TASP1: variants seen among roughly 807,000 people sequenced by gnomAD.
TASP1 encodes taspase 1.
In TASP1, 16 loss-of-function variants were observed where a neutral mutation model predicts 56.6. That is an observed-to-expected ratio of 0.28 (90% CI 0.19 to 0.43). TASP1 has a LOEUF of 0.43. TASP1 is among the 20% of genes least tolerant of loss of function. The probability of loss-of-function intolerance (pLI) is 1.00; values close to 1 mark genes in which losing one functional copy is unlikely to be tolerated. For synonymous variants in TASP1, 179 were observed against 184.2 expected (o/e 0.97, Z 0.23); for missense variants, 393 against 511.6 (o/e 0.77, Z 2.24).
the TASP1 span, among the ~76,000 whole-genome samples, chr20:13,322,641 G>A: frequency 6.6e-6 from 1 of 152,188 alleles, no homozygotes; most frequent in Admixed American, 6.5e-5. Flanking sequence ...GACCCAGGGA[G>A]GGACCCAGTG....
chr20:13,466,234 T>A (rs1311065658), intron 11 of TASP1, among the ~76,000 whole-genome samples: 2 of 152,154 alleles, frequency 1.3e-5, no homozygotes, highest in Non-Finnish European at 2.9e-5. Flanking sequence ...CTGCACTGAA[T>A]ATTCTTCAGG....
chr20:13,190,478 G>A, the TASP1 span, among the ~76,000 whole-genome samples: 12 of 152,100 alleles, frequency 7.9e-5, no homozygotes, highest in Non-Finnish European at 1.3e-4. Context: ...ACAAACATTA[G>A]GGAAGGGACA....
chr20:13,207,732 T>G, the TASP1 span, among the ~76,000 whole-genome samples: 5 of 152,204 alleles, frequency 3.3e-5, no homozygotes, highest in Non-Finnish European at 5.9e-5. Context: ...AAGAATCTGT[T>G]TTACTCAGTC....
the TASP1 span, among the ~76,000 whole-genome samples, chr20:13,297,691 A>T: frequency 6.6e-6 from 1 of 152,228 alleles, no homozygotes; most frequent in Admixed American, 6.5e-5. Flanking sequence ...CCATGGGAGA[A>T]TGCAGGATCA....
intron 9 of TASP1, among the ~76,000 whole-genome samples, chr20:13,532,248 A>G (rs1041399851): frequency 8.5e-5 from 13 of 152,224 alleles, no homozygotes; most frequent in African/African-American, 3.1e-4. Flanking sequence ...ACATATCTAC[A>G]GCAGGGTAAT....
At chr20:13,355,979 C>T in the TASP1 span, among the ~76,000 whole-genome samples, 1 of 152,140 alleles carries the variant, frequency 6.6e-6, no homozygotes, top group African/African-American at 2.4e-5. Context: ...GTAACTCAAC[C>T]ACTGTTGCTT....
chr20:13,346,323 A>T, the TASP1 span, among the ~76,000 whole-genome samples: 21 of 152,346 alleles, frequency 1.4e-4, no homozygotes, highest in Non-Finnish European at 2.8e-4. Flanking sequence ...TGGAGATAAC[A>T]AAAAATAAAA....
chr20:13,436,128 A>C (rs1006047650), intron 11 of TASP1, among the ~76,000 whole-genome samples: 1 of 152,122 alleles, frequency 6.6e-6, no homozygotes, highest in Non-Finnish European at 1.5e-5. Flanking sequence ...GCAGGGGAAA[A>C]CTGGAGTGGA....
At chr20:13,194,924 T>C in the TASP1 span, among the ~76,000 whole-genome samples, 1 of 152,044 alleles carries the variant, frequency 6.6e-6, no homozygotes, top group Non-Finnish European at 1.5e-5. Context: ...TCATCTAAAA[T>C]GTAAAATGCA....
chr20:13,206,161 G>C, the TASP1 span, among the ~76,000 whole-genome samples: 1 of 152,194 alleles, frequency 6.6e-6, no homozygotes, highest in Non-Finnish European at 1.5e-5. Context: ...GAGGGGAGCT[G>C]GCCCTGTGGG....
At chr20:13,228,121 C>G in the TASP1 span, among the ~76,000 whole-genome samples, 1 of 151,808 alleles carries the variant, frequency 6.6e-6, no homozygotes, top group Non-Finnish European at 1.5e-5. Context: ...TACAGGTACC[C>G]ACCACCATGC....
chr20:13,154,834 C>G, the TASP1 span, among the ~76,000 whole-genome samples: 1 of 152,176 alleles, frequency 6.6e-6, no homozygotes, highest in Non-Finnish European at 1.5e-5. Flanking sequence ...TACATGAGCC[C>G]TTCTCCAACC....
At chr20:13,452,775 T>C (rs567586909) in intron 11 of TASP1, among the ~76,000 whole-genome samples, 1 of 152,172 alleles carries the variant, frequency 6.6e-6, no homozygotes, top group East Asian at 1.9e-4. Flanking sequence ...CCTTGGATAA[T>C]GGGTTGAACT....
chr20:13,576,116 C>T (rs1431176315), intron 6 of TASP1, among the ~76,000 whole-genome samples: 3 of 146,980 alleles, frequency 2.0e-5, no homozygotes, highest in Admixed American at 1.4e-4. Context: ...GCAGGAGAAT[C>T]GCTTGAACCT....
the TASP1 span, among the ~76,000 whole-genome samples, chr20:13,197,172 A>T: frequency 6.6e-6 from 1 of 152,212 alleles, no homozygotes; most frequent in Non-Finnish European, 1.5e-5. Context: ...TTCACTGGCC[A>T]TTACTGAATT....
the TASP1 span, among the ~76,000 whole-genome samples, chr20:13,156,925 TC>T: frequency 6.6e-6 from 1 of 152,186 alleles, no homozygotes; most frequent in Non-Finnish European, 1.5e-5. Context: ...TAGGTAAAGA[TC>T]CTGCTACACT....
intron 13 of TASP1, among the ~76,000 whole-genome samples, chr20:13,404,742 TAAG>T (rs1448541475): frequency 4.6e-5 from 7 of 152,178 alleles, no homozygotes; most frequent in Non-Finnish European, 1.0e-4. Flanking sequence ...TCAAAATGAT[TAAG>T]AATAAAAGAA....
chr20:13,306,423 C>T, the TASP1 span, among the ~76,000 whole-genome samples: 2 of 152,072 alleles, frequency 1.3e-5, no homozygotes, highest in African/African-American at 4.8e-5. Flanking sequence ...TAAATTTTTA[C>T]ACCATTAGAC....
At position 13,390,212 on chromosome 20, in the gene TASP1, C is replaced by G; in HGVS notation, c.*148G>C. The G allele has an allele frequency of 1.4e-6, 1 of 693,732 alleles. No homozygotes were observed. Among genetic ancestry groups the G allele is most frequent in the South Asian group, 1.8e-5 (1 of 55,838 alleles). The allele number at this position is 693,732 out of a possible 1,614,324, so 43.0% of individuals were successfully genotyped here. ...AGGCCCGCGTGTCACTAAGCGCTAA[C>G]TACAGCAGCACTTGTGTCTCGAGCA... On this transcript the variant is annotated 3_prime_UTR_variant, in exon 14 of 14. Transcript: ENST00000337743.
Sources: gnomAD v4.1 joint callset for allele counts (sites outside exome capture counted in the v4.1 genomes callset) on GRCh38, gnomAD v4.1.1 for gene constraint, MANE v1.5 for transcripts, NCBI Gene and HGNC (gene_info 2026-07-23, HGNC 2026-07-21) for gene names.